Variants in GNA14 observed in about 807,000 individuals in gnomAD.
GNA14 encodes the protein G protein subunit alpha 14, also known as guanine nucleotide-binding protein subunit alpha-14.
A neutral mutation model predicts 42.0 loss-of-function variants in GNA14; 50 were observed. The observed-to-expected ratio is 1.19, with a 90% CI of 0.95 to 1.51. The LOEUF is 1.51. Ranked by LOEUF, GNA14 falls within the 40% of genes most tolerant of loss-of-function variation. The pLI, the probability that GNA14 is intolerant of heterozygous loss-of-function variation, is 0.00. For missense variants in GNA14, 473 were observed against 446.2 expected (o/e 1.06, Z -0.54); for synonymous variants, 173 against 163.1 (o/e 1.06, Z -0.46).
At chr9:77,640,663 G>A (rs1425067706) in intron 1 of GNA14, among the ~76,000 whole-genome samples, 1 of 151,862 alleles carries the variant, frequency 6.6e-6, no homozygotes, top group Non-Finnish European at 1.5e-5. Context: ...TGATTCTTTA[G>A]GTACTTGGAT....
intron 1 of GNA14, among the ~76,000 whole-genome samples, chr9:77,582,140 C>G (rs1360803438): frequency 6.6e-6 from 1 of 152,232 alleles, no homozygotes; most frequent in Non-Finnish European, 1.5e-5. Context: ...TTCAGCAACA[C>G]TTTACTTTCA....
intron 1 of GNA14, among the ~76,000 whole-genome samples, chr9:77,596,112 G>A (rs990117828): frequency 1.3e-5 from 2 of 151,930 alleles, no homozygotes; most frequent in African/African-American, 4.8e-5. Flanking sequence ...TAAAAATAAA[G>A]GCCACTTCAT....
chr9:77,449,531 A>C (rs1835872217), intron 2 of GNA14, among the ~76,000 whole-genome samples: 1 of 152,200 alleles, frequency 6.6e-6, no homozygotes, highest in Non-Finnish European at 1.5e-5. Context: ...ATGTCAATCA[A>C]CCAGTGGCCA....
At chr9:77,541,221 G>A (rs1261642284) in intron 1 of GNA14, among the ~76,000 whole-genome samples, 3 of 151,984 alleles carry the variant, frequency 2.0e-5, no homozygotes, top group Admixed American at 6.6e-5. Context: ...AGGGCCAGCC[G>A]GTCTAGTGGT....
intron 2 of GNA14, among the ~76,000 whole-genome samples, chr9:77,494,165 T>G (rs1045603996): frequency 6.6e-6 from 1 of 152,096 alleles, no homozygotes; most frequent in Non-Finnish European, 1.5e-5. Flanking sequence ...TCAGGCAATC[T>G]GCCCACCCCA....
chr9:77,611,171 G>C (rs1219884296), intron 1 of GNA14, among the ~76,000 whole-genome samples: 1 of 152,166 alleles, frequency 6.6e-6, no homozygotes, highest in African/African-American at 2.4e-5. Flanking sequence ...AACTAAGAAG[G>C]GTTGGAGATT....
chr9:77,581,577 G>A (rs1171530188), intron 1 of GNA14, among the ~76,000 whole-genome samples: 2 of 152,202 alleles, frequency 1.3e-5, no homozygotes, highest in East Asian at 1.9e-4. Flanking sequence ...ACATAAGGGA[G>A]GTCAACTTTC....
At chr9:77,442,641 C>A (rs1156668830) in intron 2 of GNA14, among the ~76,000 whole-genome samples, 1 of 152,154 alleles carries the variant, frequency 6.6e-6, no homozygotes, top group East Asian at 1.9e-4. Flanking sequence ...CATAGGGCAG[C>A]CTTGAGGGGT....
rs1837485610 is a variant in GNA14, at chr9:77,529,062, A to G, written c.309+7T>C. ...CAAATAGGGCAAGCACTCCCTAAGC[A>G]CGTTACCTTATTCTGTTCACACACA... On this transcript the variant is annotated splice_region_variant and intron_variant, in intron 2 of 6. Coordinates refer to ENST00000341700, the MANE Select transcript of GNA14 (RefSeq NM_004297.4). 3 of 1,613,124 alleles carry G rather than the reference A, an allele frequency of 1.9e-6. No homozygotes were observed. In the African/African-American group the frequency reaches 4.0e-5, roughly 22 times the overall value.
chr9:77,598,186 G>T (rs1002456942), intron 1 of GNA14, among the ~76,000 whole-genome samples: 2 of 152,180 alleles, frequency 1.3e-5, no homozygotes, highest in Non-Finnish European at 1.5e-5. Context: ...GCTGGGCAAA[G>T]AACTCTATTA....
intron 2 of GNA14, among the ~76,000 whole-genome samples, chr9:77,511,145 C>T (rs1202426107): frequency 1.3e-5 from 2 of 151,966 alleles, no homozygotes; most frequent in East Asian, 3.9e-4. Context: ...CTTATGAAAT[C>T]CCAGAATGTC....
intron 3 of GNA14, chr9:77,431,711 G>A: frequency 2.8e-6 from 1 of 351,310 alleles, no homozygotes; most frequent in Admixed American, 4.2e-5. Context: ...TGGGTTCTAA[G>A]CTCTATCGCT....
Position 77,558,932 on chromosome 9 carries a change from A to AC in GNA14, c.125-29680_125-29679insG, listed in dbSNP as rs796348838. 9.5e-4 allele frequency among the ~76,000 whole-genome samples: 139 copies of AC among 145,942 alleles called. 1 individual carries two copies. Among genetic ancestry groups the AC allele is most frequent in the African/African-American group, 2.7e-3 (97 of 35,874 alleles). On this transcript the variant is annotated intron_variant, in intron 1 of 6. Transcript: ENST00000341700. ...AAAGGTGTTAAAAAACAAAAAACAA[A>AC]AAAAAAAACAAAAAACAAACAAACA...
intron 2 of GNA14, among the ~76,000 whole-genome samples, chr9:77,464,351 A>ATGTGTGTGTG (rs35743834): frequency 5.5e-5 from 8 of 144,808 alleles, no homozygotes; most frequent in Admixed American, 3.5e-4. Context: ...GTGTGTGTAT[A>ATGTGTGTGTG]TGTGTGTGTG....
chr9:77,581,010 A>G (rs1823216247), intron 1 of GNA14, among the ~76,000 whole-genome samples: 2 of 146,792 alleles, frequency 1.4e-5, no homozygotes, highest in African/African-American at 5.3e-5. Context: ...AGGCACACAC[A>G]CACACACACA....
rs959114308 is a variant in GNA14 at position 77,631,936 on chromosome 9, G to T, written c.124+15734C>A. On this transcript the variant is annotated intron_variant, in intron 1 of 6. Coordinates refer to ENST00000341700, the MANE Select transcript of GNA14 (RefSeq NM_004297.4). ...CCCCTTCTGAGTTGGGGTGGAAGCT[G>T]CCTGGGTGCTGCAGCAGCCGCCCAA... Among the ~76,000 whole-genome samples the T allele has an allele frequency of 2.0e-5, 3 of 152,156 alleles. No individual in the cohort carries two copies. The East Asian group carries it at 5.8e-4, about 29-fold the overall frequency.
At chr9:77,425,052 C>G (rs1028978967) in intron 6 of GNA14, among the ~76,000 whole-genome samples, 22 of 152,172 alleles carry the variant, frequency 1.4e-4, no homozygotes, top group African/African-American at 5.3e-4. Flanking sequence ...CACACTCTAA[C>G]ATACACATAA....
chr9:77,541,347 T>G (rs1017936853), intron 1 of GNA14, among the ~76,000 whole-genome samples: 3 of 152,200 alleles, frequency 2.0e-5, no homozygotes. Context: ...ATTCAGTACT[T>G]TTCACATGCC....
At position 77,425,702 on chromosome 9, in the gene GNA14, T is replaced by C. The variant is rs1367868576; in HGVS notation, c.737A>G (p.Glu246Gly). 1 of 1,599,004 alleles carries C rather than the reference T, an allele frequency of 6.3e-7. No homozygotes were observed. The highest frequency in any genetic ancestry group is 1.8e-5 in the Admixed American group (1 of 56,368). The change falls in exon 6 of 7, where the codon GAG (glutamate) becomes GGG (glycine). Residue 246 changes from glutamate (E) to glycine (G), a missense_variant. Transcript: ENST00000341700. ...AECDNENRMEESKALFKTIIT... is the reference protein window; with the variant it reads ...AECDNENRMEGSKALFKTIIT... The stretch of plus-strand genomic sequence containing the variant: ...GATGGTTTTAAATAAGGCTTTGCTC[T>C]CTTCCATGCGATTCTAAGTGAAAAA...
Sources: gnomAD v4.1 joint callset for allele counts (sites outside exome capture counted in the v4.1 genomes callset) on GRCh38, gnomAD v4.1.1 for gene constraint, MANE v1.5 for transcripts, NCBI Gene and HGNC (gene_info 2026-07-23, HGNC 2026-07-21) for gene names.